CACNA1C: variants seen among roughly 807,000 people sequenced by gnomAD.
CACNA1C encodes the protein voltage-dependent L-type calcium channel subunit alpha-1C.
In CACNA1C, 30 loss-of-function variants were observed where a neutral mutation model predicts 229.0. The ratio of observed to expected loss-of-function variants is 0.13; its 90% CI spans 0.10 to 0.18. The LOEUF (loss-of-function observed/expected upper bound fraction) is 0.18, where lower values mean the gene tolerates loss of function less well. CACNA1C is among the 10% of genes least tolerant of loss of function. The probability of loss-of-function intolerance (pLI) is 1.00; values close to 1 mark genes in which losing one functional copy is unlikely to be tolerated. For missense variants in CACNA1C, 1,658 were observed against 2,845.0 expected, an observed-to-expected ratio of 0.58 and a Z score of 9.49; for synonymous variants, 1,114 against 1,132.5, an observed-to-expected ratio of 0.98 and a Z score of 0.33.
chr12:2,638,788 G>A (rs1054830724), intron 30 of CACNA1C, among the ~76,000 whole-genome samples: 1 of 152,208 alleles, frequency 6.6e-6, no homozygotes, highest in African/African-American at 2.4e-5. Context: ...GATGGAGCAG[G>A]TAGGCAAGGA....
At chr12:2,619,487 C>T (rs1467580945) in intron 29 of CACNA1C, among the ~76,000 whole-genome samples, 3 of 152,174 alleles carry the variant, frequency 2.0e-5, no homozygotes, top group Non-Finnish European at 4.4e-5. Context: ...TGTATTCTAT[C>T]CCTTCAGTCT....
At chr12:2,202,374 C>T (rs1380249178) in intron 3 of CACNA1C, among the ~76,000 whole-genome samples, 1 of 152,240 alleles carries the variant, frequency 6.6e-6, no homozygotes, top group South Asian at 2.1e-4. Flanking sequence ...TTGCCTCCAG[C>T]TAATCAATGC....
chr12:2,299,363 C>T (rs1033866655), intron 3 of CACNA1C, among the ~76,000 whole-genome samples: 12 of 152,100 alleles, frequency 7.9e-5, no homozygotes, highest in Admixed American at 7.2e-4. Flanking sequence ...AAACGTTTTC[C>T]GGTGTATGTG....
At chr12:2,522,195 C>T (rs2154580668) in intron 9 of CACNA1C, among the ~76,000 whole-genome samples, 1 of 152,212 alleles carries the variant, frequency 6.6e-6, no homozygotes, top group East Asian at 1.9e-4. Flanking sequence ...GCACTCAACC[C>T]TCACCTACCC....
Position 2,069,686 on chromosome 12 carries a change from TA to T in CACNA1C, c.49+16076del, listed in dbSNP as rs532403595. Among the ~76,000 whole-genome samples the T allele has an allele frequency of 7.2e-5, 11 of 152,350 alleles. No individual in the cohort carries two copies. In the South Asian group the frequency reaches 2.3e-3, roughly 32 times the overall value. The stretch of plus-strand genomic sequence containing the variant: ...ATCTATTTATTCTTGTAACCTCACT[TA>T]TAATGACCGTTACTTGAGTATTTCA... On this transcript the variant is annotated intron_variant, in intron 1 of 46. Coordinates refer to ENST00000399655, the MANE Select transcript of CACNA1C (RefSeq NM_000719.7).
At chr12:2,578,082 A>G (rs1037119295) in intron 13 of CACNA1C, among the ~76,000 whole-genome samples, 6 of 151,748 alleles carry the variant, frequency 4.0e-5, no homozygotes, top group Non-Finnish European at 7.4e-5. Context: ...GTTAGCCAGG[A>G]TGGTCTCGAT....
intron 5 of CACNA1C, among the ~76,000 whole-genome samples, chr12:2,462,963 AG>A (rs2099522185): frequency 7.7e-6 from 1 of 129,704 alleles, no homozygotes; most frequent in African/African-American, 3.1e-5. Flanking sequence ...CCCAGGCTGG[AG>A]TGCAGTGGTG....
intron 29 of CACNA1C, among the ~76,000 whole-genome samples, chr12:2,619,137 A>G (rs1330814368): frequency 6.6e-6 from 1 of 152,206 alleles, no homozygotes; most frequent in Non-Finnish European, 1.5e-5. Context: ...CCACCTCAGC[A>G]TCACCTTGAA....
intron 3 of CACNA1C, among the ~76,000 whole-genome samples, chr12:2,163,764 C>T (rs2096051614): frequency 6.6e-6 from 1 of 152,142 alleles, no homozygotes. Flanking sequence ...CCCTTGGCCT[C>T]TGAGGCATTC....
chr12:2,505,329 A>C (rs116022206), intron 8 of CACNA1C, among the ~76,000 whole-genome samples: 3,087 of 152,282 alleles, frequency 0.02, 102 homozygotes, highest in African/African-American at 0.069. Flanking sequence ...TTTACTTCAT[A>C]GACTGAGCAG....
At chr12:1,986,080 TG>T (rs2037666811) in intron 1 of CACNA1C, among the ~76,000 whole-genome samples, 1 of 152,258 alleles carries the variant, frequency 6.6e-6, no homozygotes, top group African/African-American at 2.4e-5. Flanking sequence ...CCCAAAGTGC[TG>T]GGATTACAGG....
rs1477786268 is a variant in CACNA1C, at chr12:2,585,996, C to T, written c.2530+92C>T. The T allele has an allele frequency of 2.9e-6, 2 of 690,654 alleles. No homozygotes were observed. Among genetic ancestry groups the T allele is most frequent in the African/African-American group, 1.8e-5 (1 of 54,984 alleles). 42.8% of individuals were successfully genotyped at this position (690,654 alleles called of 1,614,324 possible). A position where few individuals can be genotyped will look rare whatever the true frequency, so the allele number is the denominator to read the frequency against. ...GTGGGAGTGGCCATATATTAGGGAC[C>T]ATGGTTCCAGTGTCCCTCTGTAAGT... On this transcript the variant is annotated intron_variant, in intron 18 of 46. Transcript: ENST00000399655. The surrounding 1 kb of genome is among the most constrained non-coding windows in gnomAD (Gnocchi z 4.1).
At chr12:2,642,863 G>C (rs1331506044) in intron 30 of CACNA1C, among the ~76,000 whole-genome samples, 1 of 152,234 alleles carries the variant, frequency 6.6e-6, no homozygotes. Context: ...AGGCAATTCT[G>C]TGATCAGTCT....
intron 9 of CACNA1C, among the ~76,000 whole-genome samples, chr12:2,546,528 T>C (rs926478754): frequency 6.6e-5 from 10 of 152,100 alleles, no homozygotes; most frequent in African/African-American, 2.4e-4. Context: ...TTCACACTCT[T>C]CCGTGCAGTA....
intron 5 of CACNA1C, among the ~76,000 whole-genome samples, chr12:2,462,718 C>T (rs554489275): frequency 1.7e-4 from 26 of 152,170 alleles, no homozygotes; most frequent in Admixed American, 4.6e-4. Flanking sequence ...TGGACATGTG[C>T]CTTTGCTGGC....
At chr12:2,049,963 C>T (rs1425116075), upstream of CACNA1C, among the ~76,000 whole-genome samples, 3 of 152,176 alleles carry the variant, frequency 2.0e-5, no homozygotes, top group Admixed American at 1.3e-4. Context: ...ACACATTTCA[C>T]AGCTGAAAAG....
rs145992193 is a variant in CACNA1C at position 2,290,638 on chromosome 12, C to T, written c.478-158338C>T. Among the ~76,000 whole-genome samples the T allele has an allele frequency of 9.0e-3, 1,369 of 152,182 alleles. 12 individuals are homozygous for T. Among genetic ancestry groups the T allele is most frequent in the Middle Eastern group, 0.037 (11 of 294 alleles). On this transcript the variant is annotated intron_variant, in intron 3 of 46. Transcript: ENST00000399655. The stretch of plus-strand genomic sequence containing the variant: ...ATTGTACTGTCCATGGACAGTGAGC[C>T]GAGGAGCTTGTACCTGGCTTTATTA...
chr12:2,673,465 TAAAAAAAA>T (rs527320564), intron 38 of CACNA1C, among the ~76,000 whole-genome samples: 8 of 100,694 alleles, frequency 7.9e-5, no homozygotes, highest in Admixed American at 2.1e-4. Context: ...AACTTCCGTC[TAAAAAAAA>T]AAAAAAAAAA....
At chr12:2,394,367 A>G (rs1484886789) in intron 3 of CACNA1C, among the ~76,000 whole-genome samples, 1 of 152,204 alleles carries the variant, frequency 6.6e-6, no homozygotes, top group African/African-American at 2.4e-5. Context: ...AGTGACTAAT[A>G]AATAAAAATT....
Sources: allele counts gnomAD v4.1 joint callset (sites outside exome capture counted in the v4.1 genomes callset), GRCh38; gene constraint gnomAD v4.1.1; non-coding constraint Gnocchi (gnomAD v3.1); transcripts MANE v1.5; gene names NCBI Gene and HGNC (gene_info 2026-07-23, HGNC 2026-07-21).